Variants in DYNC1H1 observed in about 807,000 individuals in gnomAD.
DYNC1H1 encodes the protein cytoplasmic dynein 1 heavy chain 1.
A neutral mutation model predicts 527.1 loss-of-function variants in DYNC1H1; 51 were observed. The observed-to-expected ratio is 0.10, with a 90% CI of 0.08 to 0.12. The LOEUF (loss-of-function observed/expected upper bound fraction) is 0.12, where lower values mean the gene tolerates loss of function less well. DYNC1H1 is among the 10% of genes least tolerant of loss of function. The pLI, the probability that DYNC1H1 is intolerant of heterozygous loss-of-function variation, is 1.00. For synonymous variants in DYNC1H1, 2,189 were observed against 2,278.8 expected (o/e 0.96, Z 1.12); for missense variants, 2,771 against 5,971.8 (o/e 0.46, Z 17.66).
In DYNC1H1 at chr14:102,054,252, G is replaced by A. The variant is rs367838472; in HGVS notation, c.*3689G>A. On this transcript the variant is annotated 3_prime_UTR_variant, in exon 78 of 78. Coordinates refer to ENST00000360184, the MANE Select transcript of DYNC1H1 (RefSeq NM_001376.5). Reference sequence around the variant, plus strand: ...TTTCCTCTCAACAGCTCTTCCAAAGGGCAAGGCAGCATTTTCCTGGTGAGG... The same window carrying A: ...TTTCCTCTCAACAGCTCTTCCAAAGAGCAAGGCAGCATTTTCCTGGTGAGG... 12 of 152,410 alleles carry A rather than the reference G, an allele frequency of 7.9e-5. No homozygotes were observed. Among genetic ancestry groups the A allele is most frequent in the African/African-American group, 2.4e-4 (10 of 41,512 alleles). 9.4% of individuals were successfully genotyped at this position (152,410 alleles called of 1,614,324 possible).
rs587780331 is a variant in DYNC1H1, at chr14:101,995,071, C to T, written c.3419C>T (p.Thr1140Met). ...KFGQMLGSNM[T>M]EFHSQISKSR... ...GGGCAGATGCTAGGATCAAACATGA[C>T]GGAATTCCATTCCCAGATCTCAAAG... The change falls in exon 14 of 78, where the codon ACG (threonine) becomes ATG (methionine). Residue 1140 changes from threonine (T) to methionine (M), a missense_variant. By Grantham distance (81) the Thr-to-Met change is moderately conservative (BLOSUM62 -1). Around this residue, in one of 32 missense-constraint regions of DYNC1H1, gnomAD observed 223 missense variants for 462.5 expected, o/e 0.48. Transcript: ENST00000360184. 67 of 1,614,064 alleles carry T rather than the reference C, an allele frequency of 4.2e-5. No homozygotes were observed. The East Asian group carries it at 4.7e-4, about 11-fold the overall frequency.
chr14:102,047,635 G>A lies in DYNC1H1; in HGVS notation c.13007-182G>A, dbSNP rs1026811015. On this transcript the variant is annotated intron_variant, in intron 72 of 77. Coordinates refer to ENST00000360184, the MANE Select transcript of DYNC1H1 (RefSeq NM_001376.5). ...TATATATACACGTGTGTGTGTGTGT[G>A]TGTGTGTATATATATATATATATAT... 32 of 400,772 alleles carry A rather than the reference G, an allele frequency of 8.0e-5. 1 individual carries two copies. The highest frequency in any genetic ancestry group is 7.8e-4 in the African/African-American group (19 of 24,516). The allele number at this position is 400,772 out of a possible 1,614,324, so 24.8% of individuals were successfully genotyped here.
chr14:101,979,245 T>C lies in DYNC1H1; in HGVS notation c.345-74T>C, dbSNP rs2047835723. 6.2e-6 allele frequency: 9 copies of C among 1,446,464 alleles called. No individual in the cohort carries two copies. The Admixed American group carries it at 1.6e-4, about 25-fold the overall frequency. The allele number at this position is 1,446,464 out of a possible 1,614,324, so 89.6% of individuals were successfully genotyped here. A position where few individuals can be genotyped will look rare whatever the true frequency, so the allele number is the denominator to read the frequency against. On this transcript the variant is annotated intron_variant, in intron 2 of 77. Coordinates refer to ENST00000360184, the MANE Select transcript of DYNC1H1 (RefSeq NM_001376.5). The surrounding 1 kb of genome is among the most constrained non-coding windows in gnomAD (Gnocchi z 4.6). ...GAAAAGCAACACTTCAGTATATTCT[T>C]GTATGATTTTTAAATTAATAAGCCT...
intron 51 of DYNC1H1, 141 bp from the exon 52 acceptor site, chr14:102,032,131 T>C (rs2048516539): frequency 2.0e-6 from 2 of 1,001,264 alleles, no homozygotes; most frequent in East Asian, 2.4e-5. Flanking sequence ...GAAAAGTCTC[T>C]CATTTCTTAG....
intron 10 of DYNC1H1, among the ~76,000 whole-genome samples, chr14:101,991,192 G>T (rs187357399): frequency 6.6e-6 from 1 of 151,966 alleles, no homozygotes; most frequent in East Asian, 1.9e-4. Flanking sequence ...AAAAGCAAAG[G>T]ACTTGGCATG....
chr14:101,987,943 T>C (rs1032904156), intron 9 of DYNC1H1, among the ~76,000 whole-genome samples: 9 of 152,104 alleles, frequency 5.9e-5, no homozygotes, highest in Non-Finnish European at 1.3e-4. Context: ...CCAGGTGTGC[T>C]GATGAGCACC....
Position 101,986,439 on chromosome 14 carries a change from CT to C in DYNC1H1, c.2217del (p.Leu740PhefsTer26). The C allele has an allele frequency of 6.2e-7, 1 of 1,614,146 alleles. No individual in the cohort carries two copies. Among genetic ancestry groups the C allele is most frequent in the Non-Finnish European group, 8.5e-7 (1 of 1,180,030 alleles). On this transcript the variant is annotated frameshift_variant, in exon 8 of 78. Transcript: ENST00000360184. LOFTEE classifies it high-confidence loss of function. This position sits in a 1 kb window ranked among gnomAD's most constrained non-coding sequence, Gnocchi z 8.7. ...TGNVLKLKVN[F>X]LPEIITLSKE... is the part of the protein sequence containing the mutation. ...GAAATGTGCTTAAGCTGAAAGTTAA[CT>C]TTCTTCCTGAGATTATCACACTATC... is the stretch of plus-strand genomic sequence containing the variant.
chr14:101,981,445 TCTTTTAAAAA>T (rs987999739), intron 5 of DYNC1H1, among the ~76,000 whole-genome samples: 8 of 152,356 alleles, frequency 5.3e-5, no homozygotes, highest in African/African-American at 1.9e-4. Flanking sequence ...ATTTTTAAAT[TCTTTTAAAAA>T]CTTTGTAACT....
At position 102,033,376 on chromosome 14, in the gene DYNC1H1, G is replaced by A. The variant is rs1298729937; in HGVS notation, c.10305G>A (p.Gln3435=). 4 of 1,614,262 alleles carry A rather than the reference G, an allele frequency of 2.5e-6. No individual in the cohort carries two copies. The East Asian group carries it at 6.7e-5, about 27-fold the overall frequency. The change falls in exon 54 of 78, where the codon CAG becomes CAA. Residue 3435 remains glutamine (Q), a synonymous_variant. Transcript: ENST00000360184. The surrounding 1 kb of genome is among the most constrained non-coding windows in gnomAD (Gnocchi z 5.6). ...DNQQKANEVE[Q]MIRDLEASIA... is the part of the protein sequence containing the mutation. ...AGCAGAAGGCCAACGAGGTGGAGCA[G>A]ATGATCCGAGACCTGGAAGCCAGCA...
At chr14:101,974,132 T>C (rs886794709) in intron 1 of DYNC1H1, among the ~76,000 whole-genome samples, 2 of 152,150 alleles carry the variant, frequency 1.3e-5, no homozygotes, top group African/African-American at 4.8e-5. Flanking sequence ...GGAGTTTCAC[T>C]CTTGTTGCCC....
intron 2 of DYNC1H1, 22 bp downstream of exon 2, chr14:101,975,821 A>G (rs749712806): frequency 1.3e-6 from 2 of 1,529,708 alleles, no homozygotes; most frequent in Admixed American, 1.7e-5. Context: ...AAATATTACC[A>G]TTATCTCAGG....
At chr14:102,032,677 C>T in intron 52 of DYNC1H1, 1 of 653,216 alleles carries the variant, frequency 1.5e-6, no homozygotes, top group East Asian at 2.8e-5. Flanking sequence ...CATGGCGACA[C>T]CCTGTCTCTA....
chr14:102,017,050 T>C lies in DYNC1H1; in HGVS notation c.7849-38T>C. 6.2e-7 allele frequency: 1 copy of C among 1,614,126 alleles called. No homozygotes were observed. The highest frequency in any genetic ancestry group is 8.5e-7 in the Non-Finnish European group (1 of 1,180,008). The stretch of plus-strand genomic sequence containing the variant: ...AGACCTTTTGGTGCTGAGCATGGGG[T>C]TGGTCTTACAGTGTGGTTTTGTGTC... On this transcript the variant is annotated intron_variant, in intron 38 of 77. Coordinates refer to ENST00000360184, the MANE Select transcript of DYNC1H1 (RefSeq NM_001376.5). This position sits in a 1 kb window ranked among gnomAD's most constrained non-coding sequence, Gnocchi z 4.6.
chr14:101,971,085 C>CTTTTTTTTTT (rs780745783), intron 1 of DYNC1H1, among the ~76,000 whole-genome samples: 1 of 64,072 alleles, frequency 1.6e-5, no homozygotes, highest in African/African-American at 6.6e-5. Context: ...CCGTATCATT[C>CTTTTTTTTTT]TTTTTTTTTT....
Position 102,011,754 on chromosome 14 carries a change from GAAAA to G in DYNC1H1, c.6619-111_6619-108del. 4 of 954,388 alleles carry G rather than the reference GAAAA, an allele frequency of 4.2e-6. No homozygotes were observed. Among genetic ancestry groups the G allele is most frequent in the African/African-American group, 1.7e-5 (1 of 59,292 alleles). 59.1% of individuals were successfully genotyped at this position (954,388 alleles called of 1,614,324 possible). A position where few individuals can be genotyped will look rare whatever the true frequency, so the allele number is the denominator to read the frequency against. ...GTGACAGAGAGAGACTCCGTTTCAG[GAAAA>G]AAAAAAAAATCCACACATAATGTTT... On this transcript the variant is annotated intron_variant, in intron 32 of 77. Transcript: ENST00000360184. The surrounding 1 kb of genome is among the most constrained non-coding windows in gnomAD (Gnocchi z 5.3).
rs1048960174 is a variant in DYNC1H1, at chr14:102,015,439, A to G, written c.7242+107A>G. The G allele has an allele frequency of 1.5e-6, 2 of 1,305,584 alleles. No homozygotes were observed. Among genetic ancestry groups the G allele is most frequent in the South Asian group, 1.4e-5 (1 of 69,376 alleles). 80.9% of individuals were successfully genotyped at this position (1,305,584 alleles called of 1,614,324 possible). ...GGTCTTGAACTCCTGGGCCCAAGCA[A>G]TCCACCTGCCTTGGCCTCTCAAAGT... On this transcript the variant is annotated intron_variant, in intron 35 of 77. Coordinates refer to ENST00000360184, the MANE Select transcript of DYNC1H1 (RefSeq NM_001376.5). The surrounding 1 kb of genome is among the most constrained non-coding windows in gnomAD (Gnocchi z 6.9).
Position 102,017,627 on chromosome 14 carries a change from T to C in DYNC1H1, c.8177+123T>C. The stretch of plus-strand genomic sequence containing the variant: ...AACAATACTGCTTATTGTGGATTCC[T>C]CTTGGGTTACTTCTCTGTGCTGTAA... On this transcript the variant is annotated intron_variant, in intron 40 of 77. Coordinates refer to ENST00000360184, the MANE Select transcript of DYNC1H1 (RefSeq NM_001376.5). The surrounding 1 kb of genome is among the most constrained non-coding windows in gnomAD (Gnocchi z 4.6). The C allele has an allele frequency of 6.5e-7, 1 of 1,539,282 alleles. No individual in the cohort carries two copies. Among genetic ancestry groups the C allele is most frequent in the Non-Finnish European group, 8.9e-7 (1 of 1,119,808 alleles).
intron 72 of DYNC1H1, chr14:102,045,087 G>A (rs186916189): frequency 2.2e-5 from 6 of 271,826 alleles, no homozygotes; most frequent in Admixed American, 4.7e-5. Flanking sequence ...CAGATCACTC[G>A]AGGTTAGGAT....
At position 102,053,729 on chromosome 14, in the gene DYNC1H1, A is replaced by T. The variant is rs2048846527; in HGVS notation, c.*3166A>T. On this transcript the variant is annotated 3_prime_UTR_variant, in exon 78 of 78. Transcript: ENST00000360184. Reference sequence around the variant, plus strand: ...AGTGCTGAGATTACAGGCGTGAGCCACCACACTCGGCCTCTTTGTTTGTTT... The same window carrying T: ...AGTGCTGAGATTACAGGCGTGAGCCTCCACACTCGGCCTCTTTGTTTGTTT... The T allele has an allele frequency of 6.8e-6, 1 of 148,046 alleles. No homozygotes were observed. The highest frequency in any genetic ancestry group is 2.5e-5 in the African/African-American group (1 of 39,714). 9.2% of individuals were successfully genotyped at this position (148,046 alleles called of 1,614,324 possible). A position where few individuals can be genotyped will look rare whatever the true frequency, so the allele number is the denominator to read the frequency against.
Sources: allele counts gnomAD v4.1 joint callset (sites outside exome capture counted in the v4.1 genomes callset), GRCh38; gene constraint gnomAD v4.1.1; regional missense constraint gnomAD v4.1.1; non-coding constraint Gnocchi (gnomAD v3.1); transcripts MANE v1.5; gene names NCBI Gene and HGNC (gene_info 2026-07-23, HGNC 2026-07-21).